The following MAGI1 variants were observed in gnomAD, a reference collection of about 807,000 sequenced individuals.
MAGI1 encodes membrane associated guanylate kinase, WW and PDZ domain containing 1.
In MAGI1, 58 loss-of-function variants were observed where a neutral mutation model predicts 139.9. That is an observed-to-expected ratio of 0.41 (90% CI 0.34 to 0.52). The LOEUF is 0.52. Ranked by LOEUF, MAGI1 falls within the 20% of genes least tolerant of loss-of-function variation. The pLI is 0.12. For missense variants in MAGI1, 1,874 were observed against 1,901.6 expected (o/e 0.99, Z 0.27); for synonymous variants, 812 against 737.9 (o/e 1.10, Z -1.63).
At chr3:65,810,081 T>C (rs552399851) in intron 1 of MAGI1, among the ~76,000 whole-genome samples, 23 of 152,200 alleles carry the variant, frequency 1.5e-4, no homozygotes, top group Non-Finnish European at 3.2e-4. Flanking sequence ...TGGTTTCAAG[T>C]ATGACAGAAC....
chr3:65,661,601 T>C (rs2086189856), intron 1 of MAGI1, among the ~76,000 whole-genome samples: 1 of 152,172 alleles, frequency 6.6e-6, no homozygotes, highest in Non-Finnish European at 1.5e-5. Flanking sequence ...AAGCCTCAGT[T>C]TCCTCATTTG....
chr3:65,959,538 G>C (rs887915680), intron 1 of MAGI1, among the ~76,000 whole-genome samples: 2 of 151,274 alleles, frequency 1.3e-5, no homozygotes, highest in Non-Finnish European at 2.9e-5. Flanking sequence ...CTGGGTTCAA[G>C]ATCCTCCCAC....
chr3:65,366,069 C>G (rs745990464), intron 18 of MAGI1, among the ~76,000 whole-genome samples: 3 of 152,144 alleles, frequency 2.0e-5, no homozygotes, highest in Non-Finnish European at 2.9e-5. Flanking sequence ...GGGATCAAAT[C>G]ACCTTTTTTT....
At chr3:65,711,079 A>C (rs2031336948) in intron 1 of MAGI1, among the ~76,000 whole-genome samples, 1 of 152,216 alleles carries the variant, frequency 6.6e-6, no homozygotes, top group South Asian at 2.1e-4. Flanking sequence ...TCTACACCTT[A>C]AACTCCAATG....
intron 2 of MAGI1, among the ~76,000 whole-genome samples, chr3:65,588,712 T>G (rs1288931061): frequency 6.6e-6 from 1 of 152,194 alleles, no homozygotes; most frequent in Non-Finnish European, 1.5e-5. Context: ...CATTCTCTAC[T>G]AAAATAAAAG....
rs142930694 is a variant in MAGI1 at position 65,973,220 on chromosome 3, C to T, written c.313+64776G>A. ...GCAATTTGTTCTCCTCTCAGCAGAACAGGTGCCCCCTATTCTCACTCATCT... is the reference window on the plus strand; with the variant it reads ...GCAATTTGTTCTCCTCTCAGCAGAATAGGTGCCCCCTATTCTCACTCATCT... On this transcript the variant is annotated intron_variant, in intron 1 of 22. Coordinates refer to ENST00000402939, the MANE Select transcript of MAGI1 (RefSeq NM_001033057.2). Among the ~76,000 whole-genome samples the T allele has an allele frequency of 9.8e-3, 1,486 of 152,148 alleles. 22 individuals carry two copies. The highest frequency in any genetic ancestry group is 0.033 in the African/African-American group (1,376 of 41,516).
chr3:65,923,094 T>C (rs899221157), intron 1 of MAGI1, among the ~76,000 whole-genome samples: 2 of 152,158 alleles, frequency 1.3e-5, no homozygotes, highest in African/African-American at 4.8e-5. Context: ...GACTCCAAGA[T>C]CCCAGGATCA....
intron 1 of MAGI1, chr3:66,008,990 T>G (rs1467901383): frequency 6.6e-6 from 1 of 152,258 alleles, no homozygotes; most frequent in Admixed American, 6.5e-5. Context: ...CTATCCCCAT[T>G]TGTATAAAAG....
At chr3:66,004,876 A>T (rs904770302) in intron 1 of MAGI1, among the ~76,000 whole-genome samples, 1 of 152,180 alleles carries the variant, frequency 6.6e-6, no homozygotes. Flanking sequence ...AAGCCCACCA[A>T]GGTGCCTTTG....
intron 1 of MAGI1, among the ~76,000 whole-genome samples, chr3:65,796,555 G>A (rs944905907): frequency 6.6e-6 from 1 of 152,174 alleles, no homozygotes; most frequent in South Asian, 2.1e-4. Context: ...GTTGGTCTCT[G>A]ACATCAGCTA....
At chr3:65,555,881 A>G (rs1045577647) in intron 2 of MAGI1, among the ~76,000 whole-genome samples, 1 of 152,100 alleles carries the variant, frequency 6.6e-6, no homozygotes, top group African/African-American at 2.4e-5. Flanking sequence ...AAAAAACCAA[A>G]CACGCTTGAT....
At chr3:65,638,597 ATTTTTTTTTTTTTTTT>A (rs1173086138) in intron 1 of MAGI1, among the ~76,000 whole-genome samples, 6 of 40,998 alleles carry the variant, frequency 1.5e-4, no homozygotes, top group Non-Finnish European at 1.8e-4. Context: ...TGCTCTCCTG[ATTTTTTTTTTTTTTTT>A]TTTTTTTTTT....
At chr3:65,583,626 T>C (rs922835823) in intron 2 of MAGI1, among the ~76,000 whole-genome samples, 2 of 151,618 alleles carry the variant, frequency 1.3e-5, no homozygotes, top group African/African-American at 4.9e-5. Context: ...AGAAAGGAGG[T>C]TGAAAGCAGG....
chr3:66,038,551 G>C lies in MAGI1; in HGVS notation c.-243C>G, dbSNP rs1018508850. ...GCCCGCGAGCTTTGTTTGCATTCCG[G>C]TGCCTCTGGGTCCACGTTCCGGCGC... is the stretch of plus-strand genomic sequence containing the variant. On this transcript the variant is annotated 5_prime_UTR_variant, in exon 1 of 23. Coordinates refer to ENST00000402939, the MANE Select transcript of MAGI1 (RefSeq NM_001033057.2). 7.3e-5 allele frequency: 36 copies of C among 491,870 alleles called. No homozygotes were observed. Among genetic ancestry groups the C allele is most frequent in the African/African-American group, 6.0e-4 (30 of 50,408 alleles). 30.5% of individuals were successfully genotyped at this position (491,870 alleles called of 1,614,324 possible). A position where few individuals can be genotyped will look rare whatever the true frequency, so the allele number is the denominator to read the frequency against.
chr3:65,620,096 G>T, intron 2 of MAGI1: 1 of 495,272 alleles, frequency 2.0e-6, no homozygotes, highest in Non-Finnish European at 2.6e-6. Context: ...GGGAGAGCAT[G>T]CCAAAATGTA....
intron 2 of MAGI1, among the ~76,000 whole-genome samples, chr3:65,539,936 T>C (rs949354301): frequency 2.0e-5 from 3 of 152,162 alleles, no homozygotes; most frequent in Non-Finnish European, 4.4e-5. Flanking sequence ...AAACAAAGTT[T>C]GGATTTCAGG....
intron 4 of MAGI1, among the ~76,000 whole-genome samples, chr3:65,474,559 C>T (rs79623696): frequency 0.014 from 2,069 of 151,984 alleles, 47 homozygotes; most frequent in African/African-American, 0.047. Context: ...AAAACAGAAA[C>T]GAACATGAAT....
At chr3:65,575,033 AATCT>A (rs1344494926) in intron 2 of MAGI1, among the ~76,000 whole-genome samples, 2 of 152,070 alleles carry the variant, frequency 1.3e-5, no homozygotes, top group Non-Finnish European at 2.9e-5. Flanking sequence ...CCAAAACCAC[AATCT>A]ATTAAGGAAA....
intron 1 of MAGI1, among the ~76,000 whole-genome samples, chr3:65,695,719 G>C (rs1335376491): frequency 6.6e-6 from 1 of 152,146 alleles, no homozygotes; most frequent in Non-Finnish European, 1.5e-5. Context: ...TGAATTGTTG[G>C]AAAAGAAATA....
Sources: allele counts gnomAD v4.1 joint callset (sites outside exome capture counted in the v4.1 genomes callset), GRCh38; gene constraint gnomAD v4.1.1; transcripts MANE v1.5; gene names NCBI Gene and HGNC (gene_info 2026-07-23, HGNC 2026-07-21).